The following FIRRM variants were observed in gnomAD, a reference collection of about 807,000 sequenced individuals.
The protein encoded by FIRRM is FIGNL1-interacting regulator of recombination and mitosis.
At chr1:169,851,568 T>G in the FIRRM span, 1 of 492,094 alleles carries the variant, frequency 2.0e-6, no homozygotes, top group Non-Finnish European at 3.6e-6. Context: ...TCTTAGCTTA[T>G]ACAGTAAAGG....
the FIRRM span, among the ~76,000 whole-genome samples, chr1:169,831,494 A>G: frequency 4.6e-5 from 7 of 152,292 alleles, no homozygotes; most frequent in African/African-American, 1.4e-4. Context: ...GCTGACATCT[A>G]TGTCTCCATG....
At chr1:169,843,994 C>T in the FIRRM span, among the ~76,000 whole-genome samples, 1 of 152,130 alleles carries the variant, frequency 6.6e-6, no homozygotes, top group African/African-American at 2.4e-5. Flanking sequence ...TCACCCTATA[C>T]TGAGCAGTCA....
chr1:169,795,079 G>A, the FIRRM span: 1 of 1,524,514 alleles, frequency 6.6e-7, no homozygotes, highest in South Asian at 1.2e-5. Context: ...GGTCTGGTTT[G>A]AAGCTCTCCT....
At chr1:169,833,646 C>A in the FIRRM span, among the ~76,000 whole-genome samples, 8 of 152,086 alleles carry the variant, frequency 5.3e-5, no homozygotes, top group Admixed American at 2.0e-4. Context: ...AAGTCTTTTC[C>A]TGCCCTAGAG....
At chr1:169,811,954 T>A in the FIRRM span, among the ~76,000 whole-genome samples, 1 of 151,114 alleles carries the variant, frequency 6.6e-6, no homozygotes, top group Non-Finnish European at 1.5e-5. Flanking sequence ...AAAGAAAGAA[T>A]GGTGCTCATA....
chr1:169,821,892 G>T, the FIRRM span: 1 of 508,336 alleles, frequency 2.0e-6, no homozygotes, highest in Non-Finnish European at 3.4e-6. Flanking sequence ...TCTAGAAACC[G>T]GTAAGGCTGG....
chr1:169,793,067 G>C, the FIRRM span: 3 of 1,613,822 alleles, frequency 1.9e-6, no homozygotes, highest in African/African-American at 1.3e-5. Context: ...AATTTCTTTG[G>C]ACCCTCCCTT....
At chr1:169,787,290 CA>C in the FIRRM span, among the ~76,000 whole-genome samples, 3 of 152,256 alleles carry the variant, frequency 2.0e-5, no homozygotes, top group African/African-American at 7.2e-5. Flanking sequence ...TTTCCTTGGC[CA>C]AAATTTAGTT....
the FIRRM span, among the ~76,000 whole-genome samples, chr1:169,799,265 A>G: frequency 2.6e-5 from 4 of 152,266 alleles, no homozygotes; most frequent in Non-Finnish European, 5.9e-5. Flanking sequence ...TATGCAGTCT[A>G]CTGAATAGCT....
At chr1:169,847,710 G>T in the FIRRM span, 1 of 1,613,202 alleles carries the variant, frequency 6.2e-7, no homozygotes, top group Non-Finnish European at 8.5e-7. Context: ...TGCAGACCTC[G>T]CTACTTAAAT....
At chr1:169,808,800 T>G in the FIRRM span, among the ~76,000 whole-genome samples, 1 of 152,182 alleles carries the variant, frequency 6.6e-6, no homozygotes, top group Non-Finnish European at 1.5e-5. Context: ...GGTTTCGCCA[T>G]GTTGGCCAGG....
At chr1:169,850,242 CTTG>C in the FIRRM span, 1 of 1,514,948 alleles carries the variant, frequency 6.6e-7, no homozygotes, top group South Asian at 1.1e-5. Context: ...TAAAATTGGT[CTTG>C]TTCATCAATT....
chr1:169,842,473 T>C, the FIRRM span: 1 of 1,614,032 alleles, frequency 6.2e-7, no homozygotes, highest in Admixed American at 1.7e-5. Context: ...AAGCTTTGGA[T>C]ACAGGAAAAC....
At chr1:169,845,021 A>G in the FIRRM span, among the ~76,000 whole-genome samples, 1 of 152,180 alleles carries the variant, frequency 6.6e-6, no homozygotes. Flanking sequence ...AATACTTACT[A>G]TTTGGCCTGT....
chr1:169,828,826 G>A, the FIRRM span, among the ~76,000 whole-genome samples: 8 of 152,274 alleles, frequency 5.3e-5, no homozygotes, highest in South Asian at 2.1e-4. Flanking sequence ...GATTACAGGC[G>A]TGAGCCACTA....
At chr1:169,783,864 C>T in the FIRRM span, 1 of 152,236 alleles carries the variant, frequency 6.6e-6, no homozygotes, top group Non-Finnish European at 1.5e-5. Context: ...CGGTTCACTG[C>T]AGGTTTGAAC....
At chr1:169,827,325 G>T in the FIRRM span, 1 of 847,392 alleles carries the variant, frequency 1.2e-6, no homozygotes. Context: ...TTCTTTTCTT[G>T]AAACATATTT....
the FIRRM span, among the ~76,000 whole-genome samples, chr1:169,838,615 G>C: frequency 6.6e-6 from 1 of 152,046 alleles, no homozygotes; most frequent in Non-Finnish European, 1.5e-5. Context: ...TCAGCCTCCA[G>C]AGCAGCTGGG....
At chr1:169,799,219 CGTTA>C in the FIRRM span, among the ~76,000 whole-genome samples, 1 of 152,116 alleles carries the variant, frequency 6.6e-6, no homozygotes, top group African/African-American at 2.4e-5. Flanking sequence ...AAATATTAAA[CGTTA>C]GTTGTTACGA....
Sources: allele counts gnomAD v4.1 joint callset (sites outside exome capture counted in the v4.1 genomes callset), GRCh38; gene constraint gnomAD v4.1.1; transcripts MANE v1.5; gene names NCBI Gene and HGNC (gene_info 2026-07-23, HGNC 2026-07-21).